Variants in FAM193A observed in about 807,000 individuals in gnomAD.
FAM193A encodes the protein protein FAM193A.
In FAM193A, 22 loss-of-function variants were observed where a neutral mutation model predicts 126.5. That is an observed-to-expected ratio of 0.17 (90% CI 0.12 to 0.25). The LOEUF (loss-of-function observed/expected upper bound fraction) is 0.25. Among genes scored for constraint, FAM193A ranks in the 10% least tolerant of loss-of-function variants. FAM193A has a pLI of 1.00. For synonymous variants in FAM193A, 761 were observed against 646.8 expected, an observed-to-expected ratio of 1.18 and a Z score of -2.68; for missense variants, 1,675 against 1,672.8, an observed-to-expected ratio of 1.00 and a Z score of -0.02.
chr4:2,659,996 A>G lies in FAM193A; in HGVS notation c.1687A>G (p.Ile563Val), dbSNP rs1712220626. 1.9e-6 allele frequency: 3 copies of G among 1,614,010 alleles called. No homozygotes were observed. The highest frequency in any genetic ancestry group is 1.7e-6 in the Non-Finnish European group (2 of 1,180,026). ...CTCGGGGTCCGGCTCCAGCTCTCCC[A>G]TCACAATTCAGCAGCACCCCAGGCT... ...ASSGSGSSSP[I>V]TIQQHPRLIL... The change falls in exon 10 of 21, where the codon ATC becomes GTC. Residue 563 changes from isoleucine to valine, a missense_variant. Around this residue, in one of 4 missense-constraint regions of FAM193A, gnomAD observed 1,186 missense variants for 1,109.2 expected, o/e 1.07. Transcript: ENST00000637812.
chr4:2,668,309 G>C lies in FAM193A; in HGVS notation c.2080-3812G>C, dbSNP rs531114921. Among the ~76,000 whole-genome samples the C allele has an allele frequency of 2.0e-5, 3 of 151,652 alleles. No individual in the cohort carries two copies. The South Asian group carries it at 6.3e-4, about 32-fold the overall frequency. On this transcript the variant is annotated intron_variant, in intron 12 of 20. Transcript: ENST00000637812. ...GCTCACTGCAACCTCTGCTTCCCAG[G>C]TTCAAGTGATTCTCCTGCCTCAGCC...
chr4:2,705,597 T>G (rs906662566), intron 19 of FAM193A, among the ~76,000 whole-genome samples: 3 of 152,088 alleles, frequency 2.0e-5, no homozygotes, highest in East Asian at 1.9e-4. Flanking sequence ...ATTCTTTTTT[T>G]TGGGAAGTGG....
At chr4:2,697,877 G>C (rs1177475656) in intron 18 of FAM193A, among the ~76,000 whole-genome samples, 2 of 152,182 alleles carry the variant, frequency 1.3e-5, no homozygotes, top group Non-Finnish European at 2.9e-5. Flanking sequence ...AAGGCCCTGA[G>C]ACGTCCCATT....
At chr4:2,729,754 G>A (rs1721169777) in intron 20 of FAM193A, among the ~76,000 whole-genome samples, 1 of 152,162 alleles carries the variant, frequency 6.6e-6, no homozygotes, top group South Asian at 2.1e-4. Flanking sequence ...AGGACCACAG[G>A]TGTGCGCCAC....
At chr4:2,619,878 T>A (rs549998366) in intron 2 of FAM193A, among the ~76,000 whole-genome samples, 4 of 151,780 alleles carry the variant, frequency 2.6e-5, no homozygotes, top group African/African-American at 9.7e-5. Flanking sequence ...TTTAGTAGAG[T>A]TGGGATTTTG....
Position 2,664,558 on chromosome 4 carries a change from C to CTTTT in FAM193A, c.2079+1293_2079+1296dup, listed in dbSNP as rs33958851. ...ACCTTTCTCTCTCTCTATTTTCTTT[C>CTTTT]TTTTTTTTTTTTTTTTTTTTTTTTT... On this transcript the variant is annotated intron_variant, in intron 12 of 20. Coordinates refer to ENST00000637812, the MANE Select transcript of FAM193A (RefSeq NM_001366318.2). Among the ~76,000 whole-genome samples the CTTTT allele has an allele frequency of 1.2e-3, 85 of 73,104 alleles. 2 individuals are homozygous for CTTTT. The highest frequency in any genetic ancestry group is 1.5e-3 in the Non-Finnish European group (56 of 38,280). 48.0% of individuals were successfully genotyped at this position (73,104 alleles called of 152,430 possible). A position where few individuals can be genotyped will look rare whatever the true frequency, so the allele number is the denominator to read the frequency against.
At chr4:2,584,421 G>T (rs1349581934) in intron 1 of FAM193A, among the ~76,000 whole-genome samples, 2 of 132,674 alleles carry the variant, frequency 1.5e-5, no homozygotes, top group African/African-American at 5.9e-5. Flanking sequence ...GTGAGATTCC[G>T]TCTCAAAAAA....
intron 19 of FAM193A, among the ~76,000 whole-genome samples, chr4:2,704,700 G>T (rs1718114553): frequency 6.6e-6 from 1 of 152,174 alleles, no homozygotes; most frequent in African/African-American, 2.4e-5. Context: ...CCACAGCCTT[G>T]CTTATAGAGT....
upstream of FAM193A, among the ~76,000 whole-genome samples, chr4:2,535,436 C>T (rs1736827034): frequency 6.6e-6 from 1 of 152,206 alleles, no homozygotes; most frequent in Non-Finnish European, 1.5e-5. Context: ...GCCTGGCAGG[C>T]CGTACATCCC....
intron 6 of FAM193A, among the ~76,000 whole-genome samples, chr4:2,645,451 C>T (rs1189242548): frequency 6.6e-6 from 1 of 152,112 alleles, no homozygotes; most frequent in African/African-American, 2.4e-5. Flanking sequence ...TTCTCACTGT[C>T]CACCTGCATG....
In FAM193A at chr4:2,697,757, G is replaced by C. The variant is rs115171256; in HGVS notation, c.3507+1164G>C. Reference sequence around the variant, plus strand: ...TATTGGGCCTGATTGGGAGGCTTTGGGGGAGAAGCCTTGTCCCGTGCCCCA... The same window carrying C: ...TATTGGGCCTGATTGGGAGGCTTTGCGGGAGAAGCCTTGTCCCGTGCCCCA... On this transcript the variant is annotated intron_variant, in intron 18 of 20. Transcript: ENST00000637812. Among the ~76,000 whole-genome samples the C allele has an allele frequency of 1.7e-3, 262 of 152,318 alleles. 1 individual carries two copies. Among genetic ancestry groups the C allele is most frequent in the African/African-American group, 6.1e-3 (254 of 41,566 alleles).
intron 13 of FAM193A, among the ~76,000 whole-genome samples, chr4:2,681,181 A>T (rs1182843897): frequency 6.6e-6 from 1 of 151,742 alleles, no homozygotes; most frequent in Non-Finnish European, 1.5e-5. Flanking sequence ...AATCAATAAT[A>T]ATGTCCCCAC....
intron 1 of FAM193A, among the ~76,000 whole-genome samples, chr4:2,538,899 A>AT (rs113071260): frequency 6.7e-5 from 10 of 150,340 alleles, no homozygotes; most frequent in African/African-American, 1.7e-4. Context: ...ATTTTTATTT[A>AT]TTTTTTTTTG....
At chr4:2,538,264 C>A (rs1737009583) in intron 1 of FAM193A, among the ~76,000 whole-genome samples, 1 of 151,072 alleles carries the variant, frequency 6.6e-6, no homozygotes, top group Non-Finnish European at 1.5e-5. Flanking sequence ...AATAATGGCG[C>A]GATCTTGGCT....
intron 13 of FAM193A, among the ~76,000 whole-genome samples, chr4:2,675,892 C>T (rs1394934737): frequency 6.6e-6 from 1 of 152,190 alleles, no homozygotes; most frequent in Admixed American, 6.5e-5. Flanking sequence ...TACAGTATTT[C>T]TCTTTTTGTG....
chr4:2,713,251 C>T (rs1719186693), intron 19 of FAM193A, among the ~76,000 whole-genome samples: 1 of 149,098 alleles, frequency 6.7e-6, no homozygotes, highest in African/African-American at 2.5e-5. Context: ...ACTAAAAATA[C>T]AAAAGTTAGC....
chr4:2,555,782 G>T (rs972460844), intron 1 of FAM193A, among the ~76,000 whole-genome samples: 11 of 143,546 alleles, frequency 7.7e-5, no homozygotes, highest in East Asian at 6.5e-4. Flanking sequence ...CACACCCAGA[G>T]AATTTTTTGT....
Position 2,696,238 on chromosome 4 carries a change from C to T in FAM193A, c.3277-125C>T, listed in dbSNP as rs995459167. 5 of 658,322 alleles carry T rather than the reference C, an allele frequency of 7.6e-6. No individual in the cohort carries two copies. In the East Asian group the frequency reaches 1.4e-4, roughly 19 times the overall value. The allele number at this position is 658,322 out of a possible 1,614,324, so 40.8% of individuals were successfully genotyped here. A position where few individuals can be genotyped will look rare whatever the true frequency, so the allele number is the denominator to read the frequency against. The stretch of plus-strand genomic sequence containing the variant: ...TCTTTTTCTGCTGGTTGTTGTATTT[C>T]CTTATTTTTCACAACAAATATATAC... On this transcript the variant is annotated intron_variant, in intron 17 of 20. Coordinates refer to ENST00000637812, the MANE Select transcript of FAM193A (RefSeq NM_001366318.2).
At chr4:2,703,566 A>G (rs1029446759) in intron 19 of FAM193A, among the ~76,000 whole-genome samples, 3 of 152,060 alleles carry the variant, frequency 2.0e-5, no homozygotes, top group Admixed American at 6.5e-5. Flanking sequence ...TGTTTTAATC[A>G]TTACACCCAG....
Sources: gnomAD v4.1 joint callset for allele counts (sites outside exome capture counted in the v4.1 genomes callset) on GRCh38, gnomAD v4.1.1 for gene constraint, gnomAD v4.1.1 regional missense constraint, MANE v1.5 for transcripts, NCBI Gene and HGNC (gene_info 2026-07-23, HGNC 2026-07-21) for gene names.